NRG1: variants seen among roughly 807,000 people sequenced by gnomAD.
The protein encoded by NRG1 is pro-neuregulin-1, membrane-bound isoform.
In NRG1, 18 loss-of-function variants were observed where a neutral mutation model predicts 63.8. That is an observed-to-expected ratio of 0.28 (90% CI 0.19 to 0.42). The LOEUF (loss-of-function observed/expected upper bound fraction) is 0.42, where lower values mean the gene tolerates loss of function less well. NRG1 is among the 10% of genes least tolerant of loss of function. NRG1 has a pLI of 1.00. For missense variants in NRG1, 762 were observed against 814.7 expected, an observed-to-expected ratio of 0.94 and a Z score of 0.79; for synonymous variants, 302 against 301.3, an observed-to-expected ratio of 1.00 and a Z score of -0.02.
intron 1 of NRG1, among the ~76,000 whole-genome samples, chr8:32,089,820 A>G (rs971484115): frequency 3.3e-5 from 5 of 152,230 alleles, no homozygotes; most frequent in African/African-American, 1.2e-4. Context: ...AAAAAAGAAC[A>G]TATCTATGAC....
chr8:32,268,870 CAG>C (rs1437847018), intron 1 of NRG1, among the ~76,000 whole-genome samples: 1 of 152,142 alleles, frequency 6.6e-6, no homozygotes, highest in Non-Finnish European at 1.5e-5. Context: ...ACGGGTAAAT[CAG>C]AGTCCCATCC....
intron 1 of NRG1, among the ~76,000 whole-genome samples, chr8:31,723,311 G>C (rs1813104167): frequency 6.6e-6 from 1 of 152,130 alleles, no homozygotes; most frequent in Admixed American, 6.6e-5. Context: ...CCTAGCAATG[G>C]CTCAGGTATT....
intron 1 of NRG1, among the ~76,000 whole-genome samples, chr8:32,577,406 A>G (rs1317490511): frequency 6.6e-6 from 1 of 152,184 alleles, no homozygotes; most frequent in Non-Finnish European, 1.5e-5. Context: ...GTTGTCTGCA[A>G]CACCACTGAC....
chr8:32,414,847 G>T (rs1452610939), intron 1 of NRG1, among the ~76,000 whole-genome samples: 1 of 152,160 alleles, frequency 6.6e-6, no homozygotes, highest in Non-Finnish European at 1.5e-5. Context: ...TGCTTCGGTT[G>T]AATCTAGGTT....
chr8:32,544,493 T>C (rs999702255), upstream of NRG1, among the ~76,000 whole-genome samples: 114 of 148,692 alleles, frequency 7.7e-4, 2 homozygotes, highest in Non-Finnish European at 4.6e-4. Context: ...ATTTATTTAT[T>C]TATTTATTTA....
At chr8:32,282,501 C>G (rs1852987686) in intron 1 of NRG1, among the ~76,000 whole-genome samples, 1 of 152,158 alleles carries the variant, frequency 6.6e-6, no homozygotes, top group Non-Finnish European at 1.5e-5. Context: ...CATCAGCTTC[C>G]TGGTTCAGAG....
At chr8:32,734,339 C>T (rs958480940) in intron 6 of NRG1, among the ~76,000 whole-genome samples, 3 of 152,312 alleles carry the variant, frequency 2.0e-5, no homozygotes, top group African/African-American at 7.2e-5. Context: ...GTCCTGCAGT[C>T]TCATCATCAT....
intron 1 of NRG1, among the ~76,000 whole-genome samples, chr8:32,504,069 A>G (rs1828234222): frequency 1.3e-5 from 2 of 152,130 alleles, no homozygotes. Flanking sequence ...TTCCTAGAGG[A>G]AGGTCATCCG....
At chr8:32,468,979 A>C (rs1823431019) in intron 1 of NRG1, among the ~76,000 whole-genome samples, 1 of 152,192 alleles carries the variant, frequency 6.6e-6, no homozygotes, top group South Asian at 2.1e-4. Flanking sequence ...ATGAAGGCAG[A>C]GTTTATCCTT....
chr8:31,859,476 G>C (rs1490404378), intron 1 of NRG1, among the ~76,000 whole-genome samples: 1 of 152,122 alleles, frequency 6.6e-6, no homozygotes, highest in East Asian at 1.9e-4. Flanking sequence ...ATCGTCCCCT[G>C]AGAGTATACC....
intron 3 of NRG1, among the ~76,000 whole-genome samples, chr8:32,608,107 G>GTTTTTTTTTTTTTTTTTTTTTTT (rs1224928528): frequency 9.5e-6 from 1 of 104,802 alleles, no homozygotes; most frequent in Admixed American, 1.0e-4. Flanking sequence ...TTTTTTTTTT[G>GTTTTTTTTTTTTTTTTTTTTTTT]TTTTTTTTTT....
intron 5 of NRG1, among the ~76,000 whole-genome samples, chr8:32,707,410 C>T (rs1816704565): frequency 6.6e-6 from 1 of 151,952 alleles, no homozygotes; most frequent in Non-Finnish European, 1.5e-5. Flanking sequence ...GTCACTATAG[C>T]AAAATGCCTT....
intron 1 of NRG1, among the ~76,000 whole-genome samples, chr8:32,525,369 C>A (rs1830719804): frequency 1.3e-5 from 2 of 149,314 alleles, no homozygotes; most frequent in African/African-American, 2.5e-5. Context: ...CAAGATTATT[C>A]TCATCTTAAG....
Position 32,127,667 on chromosome 8 carries a change from T to A in NRG1, c.38-468161T>A, listed in dbSNP as rs550378546. On this transcript the variant is annotated intron_variant, in intron 1 of 10. Coordinates refer to the NRG1 transcript ENST00000519301. ...ATGAAGGCTCCTGTAGCTCCTAATC[T>A]TCCCATTTGTGCACAAATACGTGAA... is the stretch of plus-strand genomic sequence containing the variant. Among the ~76,000 whole-genome samples the A allele has an allele frequency of 9.2e-5, 14 of 151,844 alleles. No homozygotes were observed. In the South Asian group the frequency reaches 2.9e-3, roughly 32 times the overall value.
intron 1 of NRG1, among the ~76,000 whole-genome samples, chr8:32,009,089 T>C (rs1814298009): frequency 6.6e-6 from 1 of 152,040 alleles, no homozygotes; most frequent in Non-Finnish European, 1.5e-5. Context: ...TTAGGGAGCT[T>C]CCTCTGACTC....
Position 32,742,822 on chromosome 8 carries a change from AC to A in NRG1, c.691+91del. On this transcript the variant is annotated intron_variant, in intron 7 of 11. Transcript: ENST00000356819. This position sits in a 1 kb window ranked among gnomAD's most constrained non-coding sequence, Gnocchi z 4.2. ...GTTGCTGCATCTCCCCTCAGATTCC[AC>A]CTAGAGCTAGATGTGTCTTACCAGA... 6.2e-7 allele frequency: 1 copy of A among 1,611,586 alleles called. No individual in the cohort carries two copies. Among genetic ancestry groups the A allele is most frequent in the Non-Finnish European group, 8.5e-7 (1 of 1,178,478 alleles).
rs185888853 is a variant in NRG1 at position 31,847,908 on chromosome 8, T to C, written c.37+208477T>C. The stretch of plus-strand genomic sequence containing the variant: ...ATGACTATAGACCCTTTCTGTCCAA[T>C]AATAAAGATGTTGGTAAGAGTAAAT... On this transcript the variant is annotated intron_variant, in intron 1 of 10. Coordinates refer to the NRG1 transcript ENST00000519301. Among the ~76,000 whole-genome samples, 4 of 152,324 alleles carry C rather than the reference T, an allele frequency of 2.6e-5. No homozygotes were observed. The East Asian group carries it at 5.8e-4, about 22-fold the overall frequency.
intron 1 of NRG1, among the ~76,000 whole-genome samples, chr8:31,991,164 G>T (rs1810995540): frequency 6.6e-6 from 1 of 151,978 alleles, no homozygotes; most frequent in African/African-American, 2.4e-5. Context: ...TGTCCTAATG[G>T]ATTGTTTTAT....
chr8:32,544,525 G>T (rs1257716942), upstream of NRG1, among the ~76,000 whole-genome samples: 1 of 149,864 alleles, frequency 6.7e-6, no homozygotes, highest in African/African-American at 2.5e-5. Flanking sequence ...ATTGTTATGA[G>T]ACAGGGTCTC....
Sources: gnomAD v4.1 joint callset for allele counts (sites outside exome capture counted in the v4.1 genomes callset) on GRCh38, gnomAD v4.1.1 for gene constraint, Gnocchi (gnomAD v3.1) non-coding constraint, MANE v1.5 for transcripts, NCBI Gene and HGNC (gene_info 2026-07-23, HGNC 2026-07-21) for gene names.